CAMTA1: variants seen among roughly 807,000 people sequenced by gnomAD.
The protein encoded by CAMTA1 is calmodulin binding transcription activator 1.
A neutral mutation model predicts 170.9 loss-of-function variants in CAMTA1; 27 were observed. The ratio of observed to expected loss-of-function variants is 0.16; its 90% confidence interval spans 0.12 to 0.22. CAMTA1 has a LOEUF of 0.22. CAMTA1 is among the 10% of genes least tolerant of loss of function. The pLI is 1.00. For synonymous variants in CAMTA1, 833 were observed against 891.5 expected, an observed-to-expected ratio of 0.93 and a Z score of 1.17; for missense variants, 1,619 against 2,217.2, an observed-to-expected ratio of 0.73 and a Z score of 5.42.
chr1:6,810,772 C>A (rs2148340162), intron 1 of CAMTA1, among the ~76,000 whole-genome samples: 1 of 152,102 alleles, frequency 6.6e-6, no homozygotes, highest in South Asian at 2.1e-4. Context: ...CCACTGTACT[C>A]CAGTCTGGGT....
chr1:6,926,482 TTCTTTCTC>T (rs1200512864), intron 3 of CAMTA1, among the ~76,000 whole-genome samples: 30 of 129,224 alleles, frequency 2.3e-4, no homozygotes, highest in African/African-American at 4.4e-4. Context: ...CTTTCTTTCT[TTCTTTCTC>T]TCTCTCTTTT....
intron 6 of CAMTA1, among the ~76,000 whole-genome samples, chr1:7,616,641 G>A (rs1558008207): frequency 6.6e-6 from 1 of 152,152 alleles, no homozygotes; most frequent in Non-Finnish European, 1.5e-5. Context: ...AATCCTGAGG[G>A]GGAATGGAGG....
chr1:6,874,463 G>A, intron 3 of CAMTA1: 1 of 152,382 alleles, frequency 6.6e-6, no homozygotes, highest in Non-Finnish European at 1.5e-5. Flanking sequence ...AGTCCTTAGA[G>A]CAGTGCCTGC....
chr1:7,648,256 G>A (rs1293334110), intron 7 of CAMTA1, among the ~76,000 whole-genome samples: 1 of 152,126 alleles, frequency 6.6e-6, no homozygotes, highest in Non-Finnish European at 1.5e-5. Flanking sequence ...TCTGGGCATG[G>A]TGGCAGGTGC....
chr1:7,727,519 A>G (rs1351034094), intron 11 of CAMTA1, among the ~76,000 whole-genome samples: 1 of 152,224 alleles, frequency 6.6e-6, no homozygotes, highest in South Asian at 2.1e-4. Context: ...CTGCTGTTCT[A>G]AGTACTCCCT....
intron 1 of CAMTA1, among the ~76,000 whole-genome samples, chr1:6,808,395 C>G (rs1446378509): frequency 6.6e-6 from 1 of 152,096 alleles, no homozygotes; most frequent in Non-Finnish European, 1.5e-5. Flanking sequence ...GGTTTTAGGC[C>G]TCCCACATTG....
rs932955592 is a variant in CAMTA1 at position 6,785,460 on chromosome 1, G to A, written c.-71G>A. ...GCCAGGGCGGGTGCGCGGCGGCGGC[G>A]GGGTGGCTGGGCCGGCGGCGGCGGC... is the stretch of plus-strand genomic sequence containing the variant. On this transcript the variant is annotated 5_prime_UTR_variant, in exon 1 of 23. Coordinates refer to ENST00000303635, the MANE Select transcript of CAMTA1 (RefSeq NM_015215.4). 3.1e-6 allele frequency: 3 copies of A among 973,350 alleles called. No homozygotes were observed. The highest frequency in any genetic ancestry group is 3.7e-6 in the Non-Finnish European group (3 of 807,262). The allele number at this position is 973,350 out of a possible 1,614,324, so 60.3% of individuals were successfully genotyped here. A position where few individuals can be genotyped will look rare whatever the true frequency, so the allele number is the denominator to read the frequency against.
chr1:7,428,434 C>T (rs555395350), intron 5 of CAMTA1, among the ~76,000 whole-genome samples: 3 of 144,176 alleles, frequency 2.1e-5, no homozygotes, highest in Admixed American at 6.7e-5. Flanking sequence ...TACCGAGGGC[C>T]GATCACCACA....
At chr1:6,926,406 CCTCTCTCTTTTCTT>C (rs1683106635) in intron 3 of CAMTA1, among the ~76,000 whole-genome samples, 2 of 145,144 alleles carry the variant, frequency 1.4e-5, no homozygotes, top group African/African-American at 5.1e-5. Flanking sequence ...CTCCCTCCCT[CCTCTCTCTTTTCTT>C]TTCTCTTTCT....
chr1:6,950,714 AC>A (rs200555418), intron 3 of CAMTA1, among the ~76,000 whole-genome samples: 3 of 89,356 alleles, frequency 3.4e-5, no homozygotes, highest in Admixed American at 1.3e-4. Flanking sequence ...ATGCACCCCC[AC>A]CCCCCAGCCC....
chr1:7,102,385 C>T (rs991449392), intron 4 of CAMTA1, among the ~76,000 whole-genome samples: 2 of 152,068 alleles, frequency 1.3e-5, no homozygotes, highest in African/African-American at 4.8e-5. Flanking sequence ...GGCGTTGTGA[C>T]TTCCCATCAC....
At chr1:7,313,684 G>C (rs1677080384) in intron 5 of CAMTA1, among the ~76,000 whole-genome samples, 1 of 151,950 alleles carries the variant, frequency 6.6e-6, no homozygotes, top group Admixed American at 6.6e-5. Flanking sequence ...TCAGAGTTTG[G>C]GTATATTTAT....
At chr1:7,503,436 A>G (rs995951495) in intron 6 of CAMTA1, among the ~76,000 whole-genome samples, 1 of 152,184 alleles carries the variant, frequency 6.6e-6, no homozygotes, top group East Asian at 1.9e-4. Context: ...CAGCCCAGGT[A>G]GAGGACCATG....
rs372866138 is a variant in CAMTA1, at chr1:7,507,959, G to A, written c.510+40058G>A. Among the ~76,000 whole-genome samples, 18 of 152,380 alleles carry A rather than the reference G, an allele frequency of 1.2e-4. No homozygotes were observed. In the South Asian group the frequency reaches 2.3e-3, roughly 19 times the overall value. ...GGTCCAAGCCCCAGGGCTTTGCCAC[G>A]TGGCTCCCACTCTGTAATGCCCACT... On this transcript the variant is annotated intron_variant, in intron 6 of 22. Coordinates refer to ENST00000303635, the MANE Select transcript of CAMTA1 (RefSeq NM_015215.4).
chr1:6,849,140 C>CT (rs1659439545), intron 3 of CAMTA1, among the ~76,000 whole-genome samples: 1 of 152,130 alleles, frequency 6.6e-6, no homozygotes, highest in Non-Finnish European at 1.5e-5. Flanking sequence ...ATTCTGGATC[C>CT]TTTCACGGTG....
intron 6 of CAMTA1, among the ~76,000 whole-genome samples, chr1:7,564,163 C>T (rs948855877): frequency 2.0e-5 from 3 of 152,234 alleles, no homozygotes; most frequent in Admixed American, 6.5e-5. Context: ...TGGGGTGCAC[C>T]CCTCCTGGCC....
At chr1:7,201,199 A>G (rs1473529142) in intron 4 of CAMTA1, among the ~76,000 whole-genome samples, 1 of 152,208 alleles carries the variant, frequency 6.6e-6, no homozygotes, top group African/African-American at 2.4e-5. Context: ...CATGTTTTTA[A>G]GGTTCATCCA....
At chr1:6,823,897 C>T (rs1343908856) in intron 2 of CAMTA1, among the ~76,000 whole-genome samples, 1 of 152,016 alleles carries the variant, frequency 6.6e-6, no homozygotes, top group African/African-American at 2.4e-5. Flanking sequence ...TATTTAATGA[C>T]AGTAAATTTT....
chr1:6,834,250 A>G (rs759714786), intron 3 of CAMTA1: 1 of 147,030 alleles, frequency 6.8e-6, no homozygotes, highest in Non-Finnish European at 1.5e-5. Flanking sequence ...TTAAAAATTT[A>G]TTTTTTAATT....
Sources: gnomAD v4.1 joint callset for allele counts (sites outside exome capture counted in the v4.1 genomes callset) on GRCh38, gnomAD v4.1.1 for gene constraint, MANE v1.5 for transcripts, NCBI Gene and HGNC (gene_info 2026-07-23, HGNC 2026-07-21) for gene names.